The following CADM2 variants were observed in gnomAD, a reference collection of about 807,000 sequenced individuals.
The protein encoded by CADM2 is immunoglobulin superfamily member 4D.
CADM2 carries 12 observed loss-of-function variants against 49.8 expected under a neutral mutation model. The observed-to-expected ratio is 0.24, with a 90% confidence interval of 0.15 to 0.39. The LOEUF (loss-of-function observed/expected upper bound fraction) is 0.39. CADM2 is among the 10% of genes least tolerant of loss of function. The probability of loss-of-function intolerance (pLI) is 1.00; values close to 1 mark genes in which losing one functional copy is unlikely to be tolerated. For synonymous variants in CADM2, 214 were observed against 175.4 expected (o/e 1.22, Z -1.74); for missense variants, 378 against 492.3 (o/e 0.77, Z 2.20).
rs1423022048 is a variant in CADM2, at chr3:85,281,362, G to A, written c.61+321694G>A. On this transcript the variant is annotated intron_variant, in intron 1 of 9. Coordinates refer to ENST00000383699, the MANE Select transcript of CADM2 (RefSeq NM_001167675.2). ...TATATGTTATTTTAAATTTTGGGCA[G>A]ATTATTTTAATTATAAACATTTCTG... is the stretch of plus-strand genomic sequence containing the variant. 2.0e-5 allele frequency among the ~76,000 whole-genome samples: 3 copies of A among 151,914 alleles called. No individual in the cohort carries two copies. The East Asian group carries it at 5.8e-4, about 29-fold the overall frequency.
chr3:85,243,219 T>C (rs2107840182), intron 1 of CADM2, among the ~76,000 whole-genome samples: 2 of 152,072 alleles, frequency 1.3e-5, no homozygotes, highest in Admixed American at 1.3e-4. Flanking sequence ...ATATTTACAT[T>C]TGATTTTAAT....
chr3:85,536,026 T>C (rs1401804647), intron 1 of CADM2, among the ~76,000 whole-genome samples: 26 of 152,078 alleles, frequency 1.7e-4, no homozygotes, highest in Admixed American at 1.7e-3. Context: ...CATAGGAAAT[T>C]GTAGCACATG....
intron 1 of CADM2, among the ~76,000 whole-genome samples, chr3:85,539,910 T>C (rs1038805031): frequency 3.9e-5 from 6 of 152,124 alleles, no homozygotes; most frequent in Non-Finnish European, 7.4e-5. Flanking sequence ...AGTAGAAATG[T>C]CATGTAGAAA....
chr3:85,615,391 A>G (rs1281103648), intron 1 of CADM2, among the ~76,000 whole-genome samples: 2 of 151,976 alleles, frequency 1.3e-5, no homozygotes, highest in Non-Finnish European at 2.9e-5. Flanking sequence ...TGTTTTCCAT[A>G]TTGTGGAATT....
intron 1 of CADM2, among the ~76,000 whole-genome samples, chr3:85,419,155 G>T (rs1364516057): frequency 1.3e-5 from 2 of 152,114 alleles, no homozygotes; most frequent in African/African-American, 2.4e-5. Context: ...CACATTCTTT[G>T]AATAAAACAT....
chr3:85,811,158 T>A (rs1476887551), intron 3 of CADM2, among the ~76,000 whole-genome samples: 2 of 152,176 alleles, frequency 1.3e-5, no homozygotes, highest in Non-Finnish European at 2.9e-5. Context: ...TTTCCATATT[T>A]GATATTATAT....
chr3:85,918,006 A>C (rs558753325), intron 6 of CADM2, among the ~76,000 whole-genome samples: 1 of 152,138 alleles, frequency 6.6e-6, no homozygotes, highest in Non-Finnish European at 1.5e-5. Flanking sequence ...ATTTTTGCAC[A>C]TTGATTTTGT....
intron 1 of CADM2, among the ~76,000 whole-genome samples, chr3:85,433,238 G>A (rs1028985846): frequency 7.9e-5 from 12 of 151,852 alleles, no homozygotes; most frequent in African/African-American, 2.9e-4. Flanking sequence ...TCCAAATTTA[G>A]CCAATGCCTA....
At chr3:85,659,428 A>G (rs1206952669) in intron 1 of CADM2, among the ~76,000 whole-genome samples, 1 of 152,066 alleles carries the variant, frequency 6.6e-6, no homozygotes, top group Admixed American at 6.6e-5. Context: ...TATTTCAATA[A>G]AAGTACTGGG....
chr3:85,798,691 G>C (rs762142730), intron 2 of CADM2, among the ~76,000 whole-genome samples: 2 of 152,198 alleles, frequency 1.3e-5, no homozygotes, highest in Admixed American at 1.3e-4. Context: ...ATAGTTTTAA[G>C]TCAGTTAGTG....
At chr3:85,689,427 G>T (rs1314233946) in intron 1 of CADM2, among the ~76,000 whole-genome samples, 1 of 152,214 alleles carries the variant, frequency 6.6e-6, no homozygotes, top group East Asian at 1.9e-4. Flanking sequence ...AGAAACATTT[G>T]ATATTTTATA....
At chr3:85,426,853 A>T (rs1400672343) in intron 1 of CADM2, among the ~76,000 whole-genome samples, 1 of 152,042 alleles carries the variant, frequency 6.6e-6, no homozygotes, top group Non-Finnish European at 1.5e-5. Context: ...TTGACATGCT[A>T]AAATTATTAA....
chr3:85,702,383 A>G (rs749536685), intron 1 of CADM2, among the ~76,000 whole-genome samples: 12 of 151,912 alleles, frequency 7.9e-5, no homozygotes, highest in Admixed American at 6.6e-5. Flanking sequence ...CCTCTCTGTC[A>G]TTCTTTGTCC....
At position 85,894,401 on chromosome 3, in the gene CADM2, A is replaced by T. The variant is rs145650390; in HGVS notation, c.529+8074A>T. On this transcript the variant is annotated intron_variant, in intron 5 of 9. Transcript: ENST00000383699. ...TAGGAGATATACCTAATGTTAAATG[A>T]CGAGTTAATGGGTGCAGCACACCAA... Among the ~76,000 whole-genome samples, 918 of 152,236 alleles carry T rather than the reference A, an allele frequency of 6.0e-3. 7 individuals are homozygous for T. Among genetic ancestry groups the T allele is most frequent in the Admixed American group, 0.025 (387 of 15,292 alleles).
chr3:85,358,537 A>G (rs541034174), intron 1 of CADM2, among the ~76,000 whole-genome samples: 1 of 152,260 alleles, frequency 6.6e-6, no homozygotes, highest in South Asian at 2.1e-4. Flanking sequence ...TTACAACTGT[A>G]TGAGCTGAAT....
chr3:85,918,453 C>G (rs752340091), intron 6 of CADM2, among the ~76,000 whole-genome samples: 3 of 152,112 alleles, frequency 2.0e-5, no homozygotes, highest in Non-Finnish European at 4.4e-5. Flanking sequence ...TGCTGGATTA[C>G]ATTTATTGAT....
chr3:85,809,074 T>C (rs2072642674), intron 3 of CADM2, among the ~76,000 whole-genome samples: 1 of 152,188 alleles, frequency 6.6e-6, no homozygotes, highest in Non-Finnish European at 1.5e-5. Context: ...TTTGTTTTCT[T>C]TTAAAAATGC....
chr3:85,279,341 G>A (rs2043442367), intron 1 of CADM2, among the ~76,000 whole-genome samples: 2 of 151,380 alleles, frequency 1.3e-5, no homozygotes, highest in African/African-American at 4.8e-5. Flanking sequence ...TCTTTAAAAA[G>A]TGAAGATGTT....
At chr3:85,829,755 A>G (rs2074100053) in intron 3 of CADM2, among the ~76,000 whole-genome samples, 1 of 151,902 alleles carries the variant, frequency 6.6e-6, no homozygotes, top group Non-Finnish European at 1.5e-5. Context: ...CATATAAGTG[A>G]GATTACATGG....
Sources: allele counts gnomAD v4.1 joint callset (sites outside exome capture counted in the v4.1 genomes callset), GRCh38; gene constraint gnomAD v4.1.1; transcripts MANE v1.5; gene names NCBI Gene and HGNC (gene_info 2026-07-23, HGNC 2026-07-21).